The following EPB41 variants were observed in gnomAD, a reference collection of about 807,000 sequenced individuals.
The protein encoded by EPB41 is erythrocyte membrane protein band 4.1.
Under a neutral mutation model 108.0 loss-of-function variants are expected in EPB41, and 65 were observed. That is an observed-to-expected ratio of 0.60 (90% CI 0.49 to 0.74). The LOEUF (loss-of-function observed/expected upper bound fraction) is 0.74, where lower values mean the gene tolerates loss of function less well. Ranked by LOEUF, EPB41 falls within the 30% of genes least tolerant of loss-of-function variation. EPB41 has a pLI of 0.00. For synonymous variants in EPB41, 336 were observed against 358.9 expected (o/e 0.94, Z 0.72); for missense variants, 875 against 1,037.0 (o/e 0.84, Z 2.15).
intron 1 of EPB41, among the ~76,000 whole-genome samples, chr1:28,977,585 C>T (rs994828709): frequency 1.3e-5 from 2 of 151,640 alleles, no homozygotes; most frequent in Non-Finnish European, 2.9e-5. Flanking sequence ...TTGTTTAAAT[C>T]AAAAGACCTC....
intron 17 of EPB41, among the ~76,000 whole-genome samples, chr1:29,100,791 G>T (rs1286519826): frequency 2.7e-5 from 4 of 147,466 alleles, no homozygotes; most frequent in Non-Finnish European, 6.0e-5. Flanking sequence ...TATTAGCTGG[G>T]TGTGGTGGCA....
Position 28,916,353 on chromosome 1 carries a change from A to C in EPB41, c.-8+1585A>C, listed in dbSNP as rs114053377. ...TCTTTGGCACTATTAAAAGTGAACT[A>C]TGTCGGGCACGGTGGCTCACGCCTG... On this transcript the variant is annotated intron_variant, in intron 1 of 20. Coordinates refer to ENST00000343067, the MANE Select transcript of EPB41 (RefSeq NM_001376013.1). Among the ~76,000 whole-genome samples, 1,100 of 152,302 alleles carry C rather than the reference A, an allele frequency of 7.2e-3. 16 individuals carry two copies. Among genetic ancestry groups the C allele is most frequent in the African/African-American group, 0.023 (947 of 41,564 alleles).
chr1:29,069,564 A>G (rs1461566710), intron 16 of EPB41: 2 of 552,488 alleles, frequency 3.6e-6, no homozygotes, highest in African/African-American at 4.0e-5. Flanking sequence ...AGCAAAAACT[A>G]ATTGCTATAC....
intron 1 of EPB41, among the ~76,000 whole-genome samples, chr1:28,940,181 G>A (rs545221248): frequency 2.9e-4 from 44 of 152,330 alleles, no homozygotes; most frequent in African/African-American, 1.1e-3. Flanking sequence ...ACATCAGGGA[G>A]AAAGCTTAAA....
chr1:28,969,956 A>G (rs1218364437), intron 1 of EPB41, among the ~76,000 whole-genome samples: 1 of 152,214 alleles, frequency 6.6e-6, no homozygotes, highest in African/African-American at 2.4e-5. Flanking sequence ...ATTCTCTGCT[A>G]AAGTTTCTGA....
At chr1:28,903,845 A>G (rs1480671963) in intron 1 of EPB41, among the ~76,000 whole-genome samples, 1 of 151,852 alleles carries the variant, frequency 6.6e-6, no homozygotes, top group African/African-American at 2.4e-5. Context: ...GCCTGCCTCA[A>G]AAGTGCAGTT....
At chr1:28,996,593 A>T (rs1197629157) in intron 3 of EPB41, among the ~76,000 whole-genome samples, 1 of 152,180 alleles carries the variant, frequency 6.6e-6, no homozygotes, top group Non-Finnish European at 1.5e-5. Context: ...GAAGAATGTG[A>T]TGTGTAGGAT....
intron 1 of EPB41, among the ~76,000 whole-genome samples, chr1:28,934,768 TG>T (rs2093922775): frequency 6.7e-6 from 1 of 150,282 alleles, no homozygotes; most frequent in South Asian, 2.2e-4. Flanking sequence ...GCATATTTCC[TG>T]CCCGGCTCCT....
At chr1:28,897,747 TCCTTG>T (rs2090873824) in intron 1 of EPB41, among the ~76,000 whole-genome samples, 1 of 152,106 alleles carries the variant, frequency 6.6e-6, no homozygotes, top group South Asian at 2.1e-4. Context: ...GCCCTCCTTT[TCCTTG>T]CCTTGAAAGT....
Position 28,978,524 on chromosome 1 carries a change from T to C in EPB41, c.-7-8907T>C, listed in dbSNP as rs141773278. Among the ~76,000 whole-genome samples the C allele has an allele frequency of 6.6e-5, 10 of 151,632 alleles. 1 individual carries two copies. In the East Asian group the frequency reaches 1.9e-3, roughly 29 times the overall value. On this transcript the variant is annotated intron_variant, in intron 1 of 20. Coordinates refer to ENST00000343067, the MANE Select transcript of EPB41 (RefSeq NM_001376013.1). The stretch of plus-strand genomic sequence containing the variant: ...ATATAGATGCCAAGTGGACAAGGGG[T>C]AGACTTATAGACTTAATTTTGGAGA...
At chr1:29,089,756 G>A (rs1660527439) in intron 16 of EPB41, among the ~76,000 whole-genome samples, 1 of 152,142 alleles carries the variant, frequency 6.6e-6, no homozygotes, top group African/African-American at 2.4e-5. Context: ...AGAGGTAAGG[G>A]TCAGATTTTA....
chr1:28,919,532 C>T (rs1002915587), intron 1 of EPB41, among the ~76,000 whole-genome samples: 1 of 151,894 alleles, frequency 6.6e-6, no homozygotes, highest in East Asian at 1.9e-4. Flanking sequence ...GGCATGATCT[C>T]GGCTCACTGC....
chr1:29,060,365 A>G, intron 14 of EPB41, 57 bp from the exon 15 acceptor site: 3 of 1,571,254 alleles, frequency 1.9e-6, no homozygotes, highest in Non-Finnish European at 2.6e-6. Context: ...TTTTTCCCGC[A>G]AGAACAACAT....
chr1:28,979,667 A>G (rs2095688935), intron 1 of EPB41, among the ~76,000 whole-genome samples: 1 of 145,476 alleles, frequency 6.9e-6, no homozygotes, highest in Non-Finnish European at 1.5e-5. Flanking sequence ...CAAAACTAGC[A>G]CATGCTTCAC....
chr1:29,108,768 G>C (rs2151664380), intron 17 of EPB41, among the ~76,000 whole-genome samples: 1 of 148,094 alleles, frequency 6.8e-6, no homozygotes, highest in African/African-American at 2.5e-5. Flanking sequence ...TGTTGGCCAG[G>C]CTGGTCTCAA....
intron 1 of EPB41, among the ~76,000 whole-genome samples, chr1:28,903,347 T>G (rs2091483033): frequency 6.8e-6 from 1 of 146,300 alleles, no homozygotes; most frequent in African/African-American, 2.6e-5. Flanking sequence ...TTTTTTGAGC[T>G]AAGGTCTCAC....
rs1190557663 is a variant in EPB41, at chr1:29,017,750, A to C, written c.906-474A>C. ...GGGCCTGGTTTTGGAGCCAGTCTTCATTACTACCTGACACCGAGCACGCTA... is the reference window on the plus strand; with the variant it reads ...GGGCCTGGTTTTGGAGCCAGTCTTCCTTACTACCTGACACCGAGCACGCTA... On this transcript the variant is annotated intron_variant, in intron 6 of 20. Coordinates refer to ENST00000343067, the MANE Select transcript of EPB41 (RefSeq NM_001376013.1). 3.9e-5 allele frequency among the ~76,000 whole-genome samples: 6 copies of C among 152,212 alleles called. No homozygotes were observed. The East Asian group carries it at 1.2e-3, about 29-fold the overall frequency.
chr1:28,911,253 A>G (rs1336906119), upstream of EPB41: 1 of 800,062 alleles, frequency 1.2e-6, no homozygotes, highest in Non-Finnish European at 1.5e-6. Flanking sequence ...TCATGTGTGG[A>G]TAGTACTTTA....
intron 4 of EPB41, among the ~76,000 whole-genome samples, chr1:29,007,138 C>G (rs1383452254): frequency 6.6e-6 from 1 of 151,832 alleles, no homozygotes; most frequent in Non-Finnish European, 1.5e-5. Context: ...TGTTGTCAGG[C>G]TGGAGTGCAG....
Sources: allele counts gnomAD v4.1 joint callset (sites outside exome capture counted in the v4.1 genomes callset), GRCh38; gene constraint gnomAD v4.1.1; transcripts MANE v1.5; gene names NCBI Gene and HGNC (gene_info 2026-07-23, HGNC 2026-07-21).